RCAN2: variants seen among roughly 807,000 people sequenced by gnomAD.
RCAN2 encodes regulator of calcineurin 2.
RCAN2 carries 9 observed loss-of-function variants against 23.6 expected under a neutral mutation model. The observed-to-expected ratio is 0.38, with a 90% CI of 0.23 to 0.67. RCAN2 has a LOEUF of 0.67. Among genes scored for constraint, RCAN2 ranks in the 30% least tolerant of loss-of-function variants. The pLI is 0.51. For synonymous variants in RCAN2, 109 were observed against 115.7 expected (o/e 0.94, Z 0.37); for missense variants, 273 against 302.3 (o/e 0.90, Z 0.72).
At chr6:46,322,330 C>G (rs568249540) in intron 2 of RCAN2, among the ~76,000 whole-genome samples, 1 of 152,352 alleles carries the variant, frequency 6.6e-6, no homozygotes, top group Non-Finnish European at 1.5e-5. Flanking sequence ...CATTGCAGAA[C>G]AGACGGCTAA....
chr6:46,291,196 A>G (rs1305198668), intron 2 of RCAN2, among the ~76,000 whole-genome samples: 3 of 152,140 alleles, frequency 2.0e-5, no homozygotes, highest in South Asian at 2.1e-4. Flanking sequence ...TTTTATTTAT[A>G]TCTTAAAAAC....
At chr6:46,252,752 C>T (rs80331220) in intron 2 of RCAN2, among the ~76,000 whole-genome samples, 1,802 of 152,234 alleles carry the variant, frequency 0.012, 10 homozygotes, top group Non-Finnish European at 0.017. Flanking sequence ...TAATAGAAGA[C>T]ACCTGGATCT....
chr6:46,397,983 C>T lies in RCAN2; in HGVS notation c.225+58769G>A, dbSNP rs543532256. On this transcript the variant is annotated intron_variant, in intron 2 of 4. Coordinates refer to ENST00000371374, the MANE Select transcript of RCAN2 (RefSeq NM_001251974.2). ...CACACTCAGCATAGTTTCTCATGGC[C>T]GAAAACTGGAAACAATCAAAATATT... 4.6e-5 allele frequency among the ~76,000 whole-genome samples: 7 copies of T among 152,072 alleles called. No individual in the cohort carries two copies. The South Asian group carries it at 1.5e-3, about 32-fold the overall frequency.
chr6:46,324,529 C>G (rs575856355), intron 2 of RCAN2, among the ~76,000 whole-genome samples: 5 of 152,332 alleles, frequency 3.3e-5, no homozygotes, highest in African/African-American at 9.6e-5. Context: ...ACACAATGAA[C>G]AACTGACCTT....
intron 4 of RCAN2, among the ~76,000 whole-genome samples, chr6:46,244,430 G>A (rs912539910): frequency 4.7e-4 from 72 of 152,262 alleles, no homozygotes; most frequent in African/African-American, 1.5e-3. Context: ...GTCCCTGTCT[G>A]TGCCTTCCAG....
At chr6:46,440,745 A>G (rs1288373869) in intron 2 of RCAN2, among the ~76,000 whole-genome samples, 1 of 152,168 alleles carries the variant, frequency 6.6e-6, no homozygotes, top group Non-Finnish European at 1.5e-5. Context: ...CATAAATCAC[A>G]TAATCCTCAT....
intron 1 of RCAN2, among the ~76,000 whole-genome samples, chr6:46,471,676 T>A (rs879306696): frequency 3.9e-5 from 6 of 152,016 alleles, no homozygotes; most frequent in Admixed American, 3.9e-4. Context: ...GAGAGGGGAA[T>A]AAAATAGATG....
intron 1 of RCAN2, among the ~76,000 whole-genome samples, chr6:46,463,534 C>T (rs557532580): frequency 1.3e-5 from 2 of 152,246 alleles, no homozygotes; most frequent in Admixed American, 6.5e-5. Context: ...GTGATGATTG[C>T]CTGACATTTC....
chr6:46,267,032 A>G (rs1362077127), intron 2 of RCAN2, among the ~76,000 whole-genome samples: 1 of 152,236 alleles, frequency 6.6e-6, no homozygotes, highest in Non-Finnish European at 1.5e-5. Context: ...CAAACAAAAA[A>G]ACAGGTCTAG....
chr6:46,399,602 C>T (rs183102282), intron 2 of RCAN2, among the ~76,000 whole-genome samples: 3 of 151,910 alleles, frequency 2.0e-5, no homozygotes, highest in South Asian at 2.1e-4. Flanking sequence ...CTCTGGAGAC[C>T]CTTTGGGTGC....
At chr6:46,487,467 C>A (rs925786560) in intron 1 of RCAN2, among the ~76,000 whole-genome samples, 1 of 152,308 alleles carries the variant, frequency 6.6e-6, no homozygotes, top group African/African-American at 2.4e-5. Flanking sequence ...TTCTACATGT[C>A]GTTTACCCTG....
At chr6:46,336,953 C>CA (rs3084607) in intron 2 of RCAN2, among the ~76,000 whole-genome samples, 7,286 of 130,292 alleles carry the variant, frequency 0.056, 512 homozygotes, top group East Asian at 0.22. Flanking sequence ...TTGGAAGTAC[C>CA]AAAAAAAAAA....
chr6:46,415,194 C>T lies in RCAN2; in HGVS notation c.225+41558G>A, dbSNP rs186466028. On this transcript the variant is annotated intron_variant, in intron 2 of 4. Transcript: ENST00000371374. ...AGAGTCAGGATGCCAGAGACCACTG[C>T]ACTATCCACATGAGCAGAACTGAGC... Among the ~76,000 whole-genome samples, 5 of 152,302 alleles carry T rather than the reference C, an allele frequency of 3.3e-5. No homozygotes were observed. In the East Asian group the frequency reaches 9.6e-4, roughly 29 times the overall value.
intron 2 of RCAN2, among the ~76,000 whole-genome samples, chr6:46,337,842 G>A (rs552779326): frequency 6.6e-6 from 1 of 152,270 alleles, no homozygotes; most frequent in East Asian, 1.9e-4. Context: ...CCACAACAGG[G>A]ACACTTGGGT....
chr6:46,417,655 T>C (rs1766750963), intron 2 of RCAN2, among the ~76,000 whole-genome samples: 1 of 152,220 alleles, frequency 6.6e-6, no homozygotes, highest in Admixed American at 6.5e-5. Context: ...AACACTGATG[T>C]TCCAGTTTTC....
intron 2 of RCAN2, among the ~76,000 whole-genome samples, chr6:46,309,384 G>T (rs1763181365): frequency 6.6e-6 from 1 of 152,094 alleles, no homozygotes. Context: ...TTAAGAGAGA[G>T]GGGTTAAAAA....
chr6:46,358,291 TG>T (rs989148669), intron 2 of RCAN2, among the ~76,000 whole-genome samples: 79 of 152,174 alleles, frequency 5.2e-4, no homozygotes, highest in African/African-American at 1.8e-3. Flanking sequence ...GTAATGATCA[TG>T]CTGGAGGCCT....
chr6:46,454,422 T>C (rs1032356714), intron 2 of RCAN2, among the ~76,000 whole-genome samples: 6 of 152,182 alleles, frequency 3.9e-5, no homozygotes, highest in Non-Finnish European at 7.4e-5. Flanking sequence ...TCAACTTATC[T>C]GGTATCTGAT....
At chr6:46,292,147 T>G (rs2150345734) in intron 2 of RCAN2, among the ~76,000 whole-genome samples, 1 of 152,310 alleles carries the variant, frequency 6.6e-6, no homozygotes, top group South Asian at 2.1e-4. Context: ...CAGTTCTTTC[T>G]TGTTCAACAG....
Sources: allele counts gnomAD v4.1 joint callset (sites outside exome capture counted in the v4.1 genomes callset), GRCh38; gene constraint gnomAD v4.1.1; transcripts MANE v1.5; gene names NCBI Gene and HGNC (gene_info 2026-07-23, HGNC 2026-07-21).